Variants in PLA2G4B observed in about 807,000 individuals in gnomAD.
PLA2G4B encodes cytosolic phospholipase A2 beta.
A neutral mutation model predicts 95.8 loss-of-function variants in PLA2G4B; 122 were observed. The ratio of observed to expected loss-of-function variants is 1.27; its 90% confidence interval spans 1.10 to 1.48. The LOEUF (loss-of-function observed/expected upper bound fraction) is 1.48. Among genes scored for constraint, PLA2G4B ranks in the 40% most tolerant of loss-of-function variants. The pLI is 0.00. For missense variants in PLA2G4B, 1,158 were observed against 996.2 expected, an observed-to-expected ratio of 1.16 and a Z score of -2.19; for synonymous variants, 518 against 421.5, an observed-to-expected ratio of 1.23 and a Z score of -2.80.
chr15:41,841,131 G>A (rs1380212884), intron 5 of PLA2G4B, 36 bp downstream of exon 5: 1 of 1,610,428 alleles, frequency 6.2e-7, no homozygotes, highest in South Asian at 1.1e-5. Context: ...GGGTGGGAGT[G>A]CCTTGTGGGA....
chr15:41,847,266 C>G, intron 18 of PLA2G4B, 71 bp from the exon 19 acceptor site: 1 of 1,518,896 alleles, frequency 6.6e-7, no homozygotes, highest in Non-Finnish European at 8.8e-7. Flanking sequence ...TCCTGTGCAT[C>G]TTACGTCAGC....
At chr15:41,845,500 G>A in intron 14 of PLA2G4B, 138 bp from the exon 15 acceptor site, 3 of 1,481,926 alleles carry the variant, frequency 2.0e-6, no homozygotes, top group East Asian at 2.3e-5. Flanking sequence ...GGGGCCTTAG[G>A]TCCTATGCAC....
chr15:41,843,779 C>T lies in PLA2G4B; in HGVS notation c.847C>T (p.Leu283=), dbSNP rs147809034. The T allele has an allele frequency of 1.2e-6, 2 of 1,613,898 alleles. No homozygotes were observed. The highest frequency in any genetic ancestry group is 2.2e-5 in the East Asian group (1 of 44,874). The change falls in exon 11 of 20, where the codon CTG becomes TTG. Residue 283 remains leucine (L), a synonymous_variant. Coordinates refer to ENST00000458483, the MANE Select transcript of PLA2G4B (RefSeq NM_001114633.2). ...GGTGGCCGCGGCCTTGAGGCAGGCC[C>T]TGCAGCTGGACGGAGACCTGCAGGA... ...QVVAAALRQA[L]QLDGDLQEDE... is the part of the protein sequence containing the mutation.
chr15:41,839,266 C>A lies in PLA2G4B; in HGVS notation c.9+344C>A, dbSNP rs1230069639. ...ACTCAGTTGCCTGGAGTGTGAGGGC[C>A]CTGGGCTGACCCTGGTGGATGAGGC... On this transcript the variant is annotated intron_variant, in intron 1 of 19. Transcript: ENST00000458483. The A allele has an allele frequency of 2.3e-5, 5 of 214,098 alleles. No individual in the cohort carries two copies. The South Asian group carries it at 4.4e-4, about 19-fold the overall frequency. 13.3% of individuals were successfully genotyped at this position (214,098 alleles called of 1,614,324 possible). A position where few individuals can be genotyped will look rare whatever the true frequency, so the allele number is the denominator to read the frequency against.
chr15:41,847,565 C>T, intron 19 of PLA2G4B, 42 bp downstream of exon 19: 2 of 1,605,664 alleles, frequency 1.2e-6, no homozygotes, highest in Non-Finnish European at 1.7e-6. Flanking sequence ...CCCCAGTCCC[C>T]CACACCTCCT....
chr15:41,841,277 A>T lies in PLA2G4B; in HGVS notation c.435+4A>T, dbSNP rs773381540. The T allele has an allele frequency of 3.1e-6, 5 of 1,612,226 alleles. No individual in the cohort carries two copies. In the South Asian group the frequency reaches 4.4e-5, roughly 14 times the overall value. On this transcript the variant is annotated splice_donor_region_variant and intron_variant, in intron 6 of 19. Transcript: ENST00000458483. ...CGTCAGCAATGGCGTTCTGGTGGTG[A>T]GTGTGCCAGTGCTCTGGGAGGCGGT...
chr15:41,842,225 G>A lies in PLA2G4B; in HGVS notation c.654G>A (p.Leu218=). The A allele has an allele frequency of 6.2e-7, 1 of 1,614,108 alleles. No homozygotes were observed. Among genetic ancestry groups the A allele is most frequent in the South Asian group, 1.1e-5 (1 of 91,086 alleles). The change falls in exon 9 of 20, where the codon CTG becomes CTA. Residue 218 remains leucine, a synonymous_variant. Coordinates refer to ENST00000458483, the MANE Select transcript of PLA2G4B (RefSeq NM_001114633.2). ...DAPEEQLKAP[L]SALPSGQVVR... ...CCGAGGAGCAACTAAAGGCGCCACTGAGTGCCCTGCCCTCTGGTCAAGTGG... is the reference window on the plus strand; with the variant it reads ...CCGAGGAGCAACTAAAGGCGCCACTAAGTGCCCTGCCCTCTGGTCAAGTGG...
rs116467590 is a variant in PLA2G4B at position 41,846,059 on chromosome 15, G to A, written c.1600+12G>A. The A allele has an allele frequency of 1.4e-3, 2,178 of 1,569,484 alleles. 30 individuals carry two copies. The African/African-American group carries it at 0.027, about 19-fold the overall frequency. ...CCAGGCCAACCTGGGTAAGTGCTCC[G>A]GGCCCTTCATAAGGGTGCCAAGGGG... On this transcript the variant is annotated intron_variant, in intron 16 of 19. Transcript: ENST00000458483.
chr15:41,843,279 C>T (rs1016516423), intron 10 of PLA2G4B: 1 of 164,032 alleles, frequency 6.1e-6, no homozygotes, highest in African/African-American at 2.4e-5. Context: ...TGGGGTTTCC[C>T]CACATTGGCC....
Position 41,847,698 on chromosome 15 carries a change from T to G in PLA2G4B, c.2184T>G (p.Ser728=). The change falls in exon 20 of 20, where the codon TCT becomes TCG. Residue 728 remains serine (S), a synonymous_variant. Transcript: ENST00000458483. ...EEAAAGEVNL[S]SSDSPYHYTK... The stretch of plus-strand genomic sequence containing the variant: ...CGGCAGCTGGGGAGGTGAACCTGTC[T>G]TCATCGGACTCTCCCTACCACTACA... 3 of 1,613,614 alleles carry G rather than the reference T, an allele frequency of 1.9e-6. No individual in the cohort carries two copies. Among genetic ancestry groups the G allele is most frequent in the Non-Finnish European group, 2.5e-6 (3 of 1,180,022 alleles).
At position 41,846,393 on chromosome 15, in the gene PLA2G4B, C is replaced by T; in HGVS notation, c.1780+11C>T. 1 of 1,598,818 alleles carries T rather than the reference C, an allele frequency of 6.3e-7. No individual in the cohort carries two copies. The highest frequency in any genetic ancestry group is 1.1e-5 in the South Asian group (1 of 90,196). On this transcript the variant is annotated intron_variant, in intron 17 of 19. Transcript: ENST00000458483. ...TCTCCACATGGAAAGGTACCTGCTT[C>T]TCTCCAAAGTCCTCCTGTGGCCACC... is the stretch of plus-strand genomic sequence containing the variant.
Position 41,845,337 on chromosome 15 carries a change from C to T in PLA2G4B, c.1357+17C>T, listed in dbSNP as rs2065518342. On this transcript the variant is annotated intron_variant, in intron 14 of 19. Transcript: ENST00000458483. ...AATTTGGGGGTGAGTGGCCCAAGAG[C>T]TGAGACCTGTGCCCTTGCAGTTGGT... 6.2e-7 allele frequency: 1 copy of T among 1,612,254 alleles called. No homozygotes were observed. The highest frequency in any genetic ancestry group is 8.5e-7 in the Non-Finnish European group (1 of 1,178,894).
chr15:41,843,865 TG>T (rs2065483370), intron 11 of PLA2G4B, 54 bp downstream of exon 11: 1 of 1,598,142 alleles, frequency 6.3e-7, no homozygotes, highest in Non-Finnish European at 8.5e-7. Context: ...GCCTAGCTCC[TG>T]GTGCTGAACA....
Position 41,840,593 on chromosome 15 carries a change from C to A in PLA2G4B, c.152C>A (p.Thr51Lys). ...TACSHRLQTR[T>K]VKNSSSPVWN... ...TGCAGCCACAGGCTCCAGACACGCA[C>A]GGTCAAGAACAGCAGTAGCCCTGTC... The change falls in exon 3 of 20, where the codon ACG (threonine) becomes AAG (lysine). Residue 51 changes from threonine (T) to lysine (K), a missense_variant. By Grantham distance (78) the Thr-to-Lys change is moderately conservative (BLOSUM62 -1). Coordinates refer to ENST00000458483, the MANE Select transcript of PLA2G4B (RefSeq NM_001114633.2). 1.9e-6 allele frequency: 3 copies of A among 1,613,992 alleles called. No individual in the cohort carries two copies. The highest frequency in any genetic ancestry group is 2.2e-5 in the South Asian group (2 of 91,086).
At chr15:41,842,631 A>T (rs1567170339) in intron 10 of PLA2G4B, 40 bp downstream of exon 10, 1 of 1,604,474 alleles carries the variant, frequency 6.2e-7, no homozygotes, top group African/African-American at 1.3e-5. Context: ...GCCCTGGAAA[A>T]CAACCAGGGT....
intron 18 of PLA2G4B, 21 bp from the exon 19 acceptor site, chr15:41,847,316 C>A (rs748567100): frequency 7.0e-6 from 11 of 1,578,148 alleles, no homozygotes; most frequent in Admixed American, 5.2e-5. Context: ...CCCTCTGAAG[C>A]CCCTTCTGCC....
intron 1 of PLA2G4B, chr15:41,839,293 C>T (rs1231377558): frequency 3.2e-5 from 6 of 184,964 alleles, no homozygotes; most frequent in Non-Finnish European, 6.7e-5. Context: ...GGATGAGGCC[C>T]TCCAGCACTG....
At chr15:41,839,072 A>C in intron 1 of PLA2G4B, 150 bp downstream of exon 1, 1 of 589,404 alleles carries the variant, frequency 1.7e-6, no homozygotes, top group Non-Finnish European at 2.9e-6. Flanking sequence ...GGCAGAAGCC[A>C]GGGGAGGAGG....
At chr15:41,846,572 G>T in intron 17 of PLA2G4B, 97 bp from the exon 18 acceptor site, 1 of 1,521,086 alleles carries the variant, frequency 6.6e-7, no homozygotes, top group South Asian at 1.3e-5. Flanking sequence ...TGTTGGTTCA[G>T]CAGGAGAGCA....
Sources: allele counts gnomAD v4.1 joint callset, GRCh38; gene constraint gnomAD v4.1.1; transcripts MANE v1.5; gene names NCBI Gene and HGNC (gene_info 2026-07-23, HGNC 2026-07-21).